CARMIL1: variants seen among roughly 807,000 people sequenced by gnomAD.
The protein encoded by CARMIL1 is F-actin-uncapping protein LRRC16A.
CARMIL1 carries 90 observed loss-of-function variants against 177.1 expected under a neutral mutation model. That is an observed-to-expected ratio of 0.51 (90% CI 0.43 to 0.61). The LOEUF (loss-of-function observed/expected upper bound fraction) is 0.61. CARMIL1 is among the 20% of genes least tolerant of loss of function. The pLI is 0.00. For synonymous variants in CARMIL1, 577 were observed against 606.2 expected, an observed-to-expected ratio of 0.95 and a Z score of 0.71; for missense variants, 1,380 against 1,667.0, an observed-to-expected ratio of 0.83 and a Z score of 3.00.
At chr6:25,380,591 C>G (rs868266856) in intron 2 of CARMIL1, among the ~76,000 whole-genome samples, 48 of 152,126 alleles carry the variant, frequency 3.2e-4, no homozygotes, top group Middle Eastern at 3.2e-3. Flanking sequence ...CTAAAAAAAA[C>G]TTATACCTCC....
chr6:25,337,110 G>A (rs1786328142), intron 2 of CARMIL1, among the ~76,000 whole-genome samples: 1 of 152,188 alleles, frequency 6.6e-6, no homozygotes, highest in Admixed American at 6.5e-5. Flanking sequence ...TGAGGCTTAA[G>A]GAAACTAATG....
chr6:25,486,340 A>T (rs1006527499), intron 12 of CARMIL1, among the ~76,000 whole-genome samples: 1 of 152,164 alleles, frequency 6.6e-6, no homozygotes, highest in Non-Finnish European at 1.5e-5. Context: ...AGCTGATAAC[A>T]TGATGCTCTC....
chr6:25,548,297 T>G (rs964656339), intron 26 of CARMIL1, among the ~76,000 whole-genome samples: 9 of 152,174 alleles, frequency 5.9e-5, no homozygotes, highest in Non-Finnish European at 1.0e-4. Context: ...TAGTGAGACT[T>G]GCAAATTTCT....
intron 26 of CARMIL1, among the ~76,000 whole-genome samples, chr6:25,543,299 T>C (rs544529889): frequency 2.0e-5 from 3 of 152,300 alleles, no homozygotes; most frequent in African/African-American, 7.2e-5. Context: ...AAGCCATCTT[T>C]CCAAAGTATT....
At chr6:25,459,713 C>T (rs892208290) in intron 8 of CARMIL1, among the ~76,000 whole-genome samples, 3 of 152,138 alleles carry the variant, frequency 2.0e-5, no homozygotes, top group African/African-American at 4.8e-5. Flanking sequence ...CCACGTGGCT[C>T]TAAAAGATGT....
intron 12 of CARMIL1, among the ~76,000 whole-genome samples, chr6:25,487,251 C>T (rs1802754363): frequency 6.6e-6 from 1 of 152,160 alleles, no homozygotes; most frequent in Non-Finnish European, 1.5e-5. Flanking sequence ...AAGGCTGCAC[C>T]TGCACCCCAC....
At chr6:25,598,821 TC>T (rs1431020541) in intron 32 of CARMIL1, among the ~76,000 whole-genome samples, 3 of 152,194 alleles carry the variant, frequency 2.0e-5, no homozygotes, top group Non-Finnish European at 2.9e-5. Flanking sequence ...AGGGTGGTCT[TC>T]CTGGACCATT....
chr6:25,298,764 T>TTC (rs903262465), intron 2 of CARMIL1, among the ~76,000 whole-genome samples: 4 of 151,598 alleles, frequency 2.6e-5, no homozygotes, highest in African/African-American at 9.7e-5. Context: ...GCTTTTTTTT[T>TTC]TTTTTTTGAG....
At chr6:25,587,934 A>G (rs1813911307) in intron 31 of CARMIL1, among the ~76,000 whole-genome samples, 1 of 152,202 alleles carries the variant, frequency 6.6e-6, no homozygotes, top group African/African-American at 2.4e-5. Flanking sequence ...CTCCATATCC[A>G]CACATTCTGC....
At chr6:25,583,582 C>T (rs554997373) in intron 31 of CARMIL1, among the ~76,000 whole-genome samples, 1 of 152,134 alleles carries the variant, frequency 6.6e-6, no homozygotes, top group Non-Finnish European at 1.5e-5. Context: ...CAATAACTTA[C>T]CTGCCTGGTT....
intron 36 of CARMIL1, among the ~76,000 whole-genome samples, chr6:25,615,971 C>T (rs1191109488): frequency 6.6e-6 from 1 of 152,224 alleles, no homozygotes; most frequent in Non-Finnish European, 1.5e-5. Flanking sequence ...GTTCGAGCCT[C>T]TCTGTACCAA....
At chr6:25,404,072 C>G (rs905647556) in intron 2 of CARMIL1, among the ~76,000 whole-genome samples, 1 of 152,206 alleles carries the variant, frequency 6.6e-6, no homozygotes, top group Non-Finnish European at 1.5e-5. Flanking sequence ...GTCAGGAAGA[C>G]ACATCCTCTG....
intron 31 of CARMIL1, among the ~76,000 whole-genome samples, chr6:25,590,863 G>A (rs967324358): frequency 6.6e-6 from 1 of 151,850 alleles, no homozygotes; most frequent in Admixed American, 6.6e-5. Context: ...TTTAATGCCT[G>A]TTCTCTTAAT....
intron 8 of CARMIL1, among the ~76,000 whole-genome samples, chr6:25,456,617 T>G (rs1799552945): frequency 6.6e-6 from 1 of 152,202 alleles, no homozygotes; most frequent in African/African-American, 2.4e-5. Context: ...AGCTGACATG[T>G]TAAAAAATTT....
At chr6:25,336,507 T>G (rs34150592) in intron 2 of CARMIL1, among the ~76,000 whole-genome samples, 62,751 of 152,090 alleles carry the variant, frequency 0.41, 14,719 homozygotes, top group South Asian at 0.53. Flanking sequence ...GTTGGACAAG[T>G]CACTTAACTT....
At chr6:25,292,923 A>T (rs1368591630) in intron 2 of CARMIL1, among the ~76,000 whole-genome samples, 4 of 152,168 alleles carry the variant, frequency 2.6e-5, no homozygotes, top group Admixed American at 6.5e-5. Flanking sequence ...TTTCATAGTT[A>T]TAAAATAGTT....
intron 2 of CARMIL1, among the ~76,000 whole-genome samples, chr6:25,377,203 G>C (rs75007449): frequency 6.6e-6 from 1 of 152,184 alleles, no homozygotes; most frequent in Non-Finnish European, 1.5e-5. Flanking sequence ...TGGATGAAGA[G>C]GAGAAGAAAT....
At chr6:25,412,232 TCATTTAACCCTCA>T (rs1794965078) in intron 2 of CARMIL1, among the ~76,000 whole-genome samples, 1 of 152,264 alleles carries the variant, frequency 6.6e-6, no homozygotes, top group Non-Finnish European at 1.5e-5. Flanking sequence ...GTGTATTAAC[TCATTTAACCCTCA>T]TCATTCCATG....
chr6:25,283,824 G>A (rs113244120), intron 1 of CARMIL1, among the ~76,000 whole-genome samples: 4 of 152,052 alleles, frequency 2.6e-5, no homozygotes, highest in African/African-American at 7.2e-5. Context: ...AGCAATTCTC[G>A]TGCTTCAGCC....
Sources: allele counts gnomAD v4.1 joint callset (sites outside exome capture counted in the v4.1 genomes callset), GRCh38; gene constraint gnomAD v4.1.1; transcripts MANE v1.5; gene names NCBI Gene and HGNC (gene_info 2026-07-23, HGNC 2026-07-21).